The following TRPA1 variants were observed in gnomAD, a reference collection of about 807,000 sequenced individuals.
The protein encoded by TRPA1 is ankyrin-like with transmembrane domains 1.
A neutral mutation model predicts 131.3 loss-of-function variants in TRPA1; 129 were observed. The ratio of observed to expected loss-of-function variants is 0.98; its 90% CI spans 0.85 to 1.14. TRPA1 has a LOEUF of 1.14. Among genes scored for constraint, TRPA1 ranks in the 50% most tolerant of loss-of-function variants. The pLI, the probability that TRPA1 is intolerant of heterozygous loss-of-function variation, is 0.00. For synonymous variants in TRPA1, 441 were observed against 451.7 expected, an observed-to-expected ratio of 0.98 and a Z score of 0.30; for missense variants, 1,304 against 1,354.2, an observed-to-expected ratio of 0.96 and a Z score of 0.58.
chr8:72,087,648 A>ATATATT, the TRPA1 span, among the ~76,000 whole-genome samples: 3 of 150,108 alleles, frequency 2.0e-5, no homozygotes, highest in African/African-American at 7.3e-5. Flanking sequence ...ATATATATAT[A>ATATATT]TTTTAATTGC....
chr8:72,070,564 C>T (rs182743516), intron 2 of TRPA1, among the ~76,000 whole-genome samples: 55 of 152,312 alleles, frequency 3.6e-4, no homozygotes, highest in African/African-American at 1.3e-3. Flanking sequence ...GGGGCTTTAT[C>T]TTGATCTCCT....
chr8:72,069,030 A>G lies in TRPA1; in HGVS notation c.437T>C (p.Val146Ala). The change falls in exon 3 of 27, where the codon GTG (valine) becomes GCG (alanine). Residue 146 changes from valine to alanine, a missense_variant. Val to Ala is a moderately conservative substitution (Grantham distance 64). Transcript: ENST00000262209. ...HIAVQGMNNEVMKVLLEHRTI... is the reference protein window; with the variant it reads ...HIAVQGMNNEAMKVLLEHRTI... Reference sequence around the variant, plus strand: ...GCCGGCCAGTAGCCTTACCTTCATCACCTCATTATTCATGCCCTGCACAGC... The same window carrying G: ...GCCGGCCAGTAGCCTTACCTTCATCGCCTCATTATTCATGCCCTGCACAGC... 1 of 1,614,114 alleles carries G rather than the reference A, an allele frequency of 6.2e-7. No homozygotes were observed.
chr8:72,037,031 T>G (rs1312744963), intron 20 of TRPA1, among the ~76,000 whole-genome samples: 1 of 152,178 alleles, frequency 6.6e-6, no homozygotes. Context: ...TAGCTCAATT[T>G]AAACTATAAT....
intron 13 of TRPA1, chr8:72,052,995 G>GTGTGAT: frequency 1.4e-5 from 5 of 351,392 alleles, no homozygotes; most frequent in East Asian, 6.3e-5. Context: ...GTGTGTGTGT[G>GTGTGAT]AGAGATAGAG....
the TRPA1 span, among the ~76,000 whole-genome samples, chr8:72,087,107 C>T: frequency 4.6e-5 from 7 of 152,250 alleles, no homozygotes; most frequent in South Asian, 1.5e-3. Flanking sequence ...TGAAATCTTC[C>T]AAGTTTATGT....
intron 24 of TRPA1, among the ~76,000 whole-genome samples, chr8:72,028,797 A>G (rs1811699476): frequency 6.6e-6 from 1 of 152,336 alleles, no homozygotes; most frequent in South Asian, 2.1e-4. Flanking sequence ...ATGTATTGAA[A>G]CATTGTTTTC....
rs569988018 is a variant in TRPA1 at position 72,034,249 on chromosome 8, T to C, written c.2684A>G (p.Gln895Arg). 183 of 1,606,494 alleles carry C rather than the reference T, an allele frequency of 1.1e-4. No homozygotes were observed. In the South Asian group the frequency reaches 1.9e-3, roughly 17 times the overall value. Residue 895 changes from glutamine (Q) to arginine (R), a missense_variant and splice_region_variant, in exon 22 of 27, where the codon CAG becomes CGG. Gln to Arg is a conservative substitution (Grantham distance 43). Transcript: ENST00000262209. Reference protein sequence around the residue: ...GLSFYILLNLQDPFSSPLLSI... With the variant: ...GLSFYILLNLRDPFSSPLLSI... ...CAACTACTGATGTAACTGTCTTACC[T>C]GTAAATTCAGGAGGATGTAAAAGCT...
At chr8:72,074,908 A>G (rs550921231) in intron 1 of TRPA1, among the ~76,000 whole-genome samples, 5 of 152,308 alleles carry the variant, frequency 3.3e-5, no homozygotes, top group South Asian at 2.1e-4. Context: ...TAGTTATCCA[A>G]CGACTACCAG....
upstream of TRPA1, among the ~76,000 whole-genome samples, chr8:72,079,523 G>A (rs1222193351): frequency 2.0e-5 from 3 of 151,932 alleles, no homozygotes; most frequent in Admixed American, 2.0e-4. Flanking sequence ...ACAAATGTAA[G>A]AGTTTGTTTC....
rs993212181 is a variant in TRPA1 at position 72,047,177 on chromosome 8, T to C, written c.1936A>G (p.Thr646Ala). ...TAGTCTCGGCAGGACTTGTCTTCTG[T>C]GGAATGCAACATGCAGAAATCTAAA... is the stretch of plus-strand genomic sequence containing the variant. ...VLLDFCMLHS[T>A]EDKSCRDYYI... is the part of the protein sequence containing the mutation. The change falls in exon 16 of 27, where the codon ACA becomes GCA. Residue 646 changes from threonine (T) to alanine (A), a missense_variant. Physicochemically the swap from Thr to Ala is moderately conservative, Grantham distance 58. Coordinates refer to ENST00000262209, the MANE Select transcript of TRPA1 (RefSeq NM_007332.3). 1.9e-6 allele frequency: 3 copies of C among 1,611,214 alleles called. No homozygotes were observed. Among genetic ancestry groups the C allele is most frequent in the African/African-American group, 2.7e-5 (2 of 74,762 alleles).
the TRPA1 span, among the ~76,000 whole-genome samples, chr8:72,085,337 T>C: frequency 6.6e-6 from 1 of 152,184 alleles, no homozygotes. Flanking sequence ...TTACTTGATA[T>C]GCAAACATGT....
chr8:72,076,319 CT>C (rs1806184837), upstream of TRPA1, among the ~76,000 whole-genome samples: 1 of 152,184 alleles, frequency 6.6e-6, no homozygotes, highest in African/African-American at 2.4e-5. Context: ...TAGGACTGCT[CT>C]TCATTAAGTG....
At chr8:72,044,822 G>A (rs1006157237) in intron 17 of TRPA1, among the ~76,000 whole-genome samples, 6 of 151,890 alleles carry the variant, frequency 4.0e-5, no homozygotes, top group African/African-American at 1.4e-4. Flanking sequence ...AAGCTATTAA[G>A]GCATTGCAGA....
At chr8:72,038,570 A>G (rs993379877) in intron 19 of TRPA1, among the ~76,000 whole-genome samples, 1 of 152,052 alleles carries the variant, frequency 6.6e-6, no homozygotes, top group Non-Finnish European at 1.5e-5. Flanking sequence ...CCTGGCAACT[A>G]CAAATCTGCT....
the TRPA1 span, among the ~76,000 whole-genome samples, chr8:72,085,630 C>T: frequency 2.2e-3 from 341 of 151,768 alleles, 1 homozygote; most frequent in African/African-American, 7.9e-3. Context: ...TTAGTTTCAA[C>T]GTTTATCTGT....
At chr8:72,085,577 T>C in the TRPA1 span, among the ~76,000 whole-genome samples, 1 of 152,224 alleles carries the variant, frequency 6.6e-6, no homozygotes, top group African/African-American at 2.4e-5. Flanking sequence ...TGCCTTACCA[T>C]CTTTCTCTTT....
intron 2 of TRPA1, 132 bp downstream of exon 2, chr8:72,071,579 C>T (rs1000004224): frequency 2.3e-5 from 24 of 1,044,156 alleles, no homozygotes; most frequent in South Asian, 1.5e-4. Context: ...GGAAAACCCA[C>T]AATTCTAAGT....
chr8:72,027,727 A>G (rs1488174692), intron 24 of TRPA1, among the ~76,000 whole-genome samples: 1 of 152,172 alleles, frequency 6.6e-6, no homozygotes, highest in Non-Finnish European at 1.5e-5. Flanking sequence ...CAGTTCTGCC[A>G]TGGGCTCAGA....
intron 1 of TRPA1, among the ~76,000 whole-genome samples, chr8:72,073,197 A>G (rs1806103898): frequency 6.6e-6 from 1 of 152,218 alleles, no homozygotes; most frequent in Admixed American, 6.5e-5. Context: ...GGTTGCTTTA[A>G]TGAAATACAT....
Sources: gnomAD v4.1 joint callset for allele counts (sites outside exome capture counted in the v4.1 genomes callset) on GRCh38, gnomAD v4.1.1 for gene constraint, MANE v1.5 for transcripts, NCBI Gene and HGNC (gene_info 2026-07-23, HGNC 2026-07-21) for gene names.